Variants in TUBB observed in about 807,000 individuals in gnomAD.
The protein encoded by TUBB is tubulin beta class I.
TUBB carries 2 observed loss-of-function variants against 35.1 expected under a neutral mutation model. The observed-to-expected ratio is 0.06, with a 90% CI of 0.02 to 0.18. The LOEUF is 0.18. Ranked by LOEUF, TUBB falls within the 10% of genes least tolerant of loss-of-function variation. The probability of loss-of-function intolerance (pLI) is 1.00; values close to 1 mark genes in which losing one functional copy is unlikely to be tolerated. For synonymous variants in TUBB, 205 were observed against 223.8 expected, an observed-to-expected ratio of 0.92 and a Z score of 0.75; for missense variants, 50 against 599.4, an observed-to-expected ratio of 0.08 and a Z score of 9.57.
chr6:30,724,472 G>T lies in TUBB; in HGVS notation c.*75G>T. 2 of 1,382,704 alleles carry T rather than the reference G, an allele frequency of 1.4e-6. No homozygotes were observed. The highest frequency in any genetic ancestry group is 2.0e-6 in the Non-Finnish European group (2 of 1,025,570). The allele number at this position is 1,382,704 out of a possible 1,614,324, so 85.7% of individuals were successfully genotyped here. A position where few individuals can be genotyped will look rare whatever the true frequency, so the allele number is the denominator to read the frequency against. ...TCAACTGCCCCTTTCCTCTCCCTCA[G>T]AATTTGTGTTTGCTGCCTCTATCTT... On this transcript the variant is annotated 3_prime_UTR_variant, in exon 4 of 4. Coordinates refer to ENST00000327892, the MANE Select transcript of TUBB (RefSeq NM_178014.4). This position sits in a 1 kb window ranked among gnomAD's most constrained non-coding sequence, Gnocchi z 4.4.
At chr6:30,720,686 T>C in intron 1 of TUBB, 123 bp downstream of exon 1, 1 of 818,510 alleles carries the variant, frequency 1.2e-6, no homozygotes, top group Non-Finnish European at 1.9e-6. Flanking sequence ...CTCAAGTTTG[T>C]TACATTTATA....
chr6:30,721,032 C>A (rs950850655), intron 1 of TUBB, among the ~76,000 whole-genome samples: 5 of 152,210 alleles, frequency 3.3e-5, no homozygotes, highest in African/African-American at 1.2e-4. Flanking sequence ...GGCGATGCGC[C>A]AGGGTGGGCT....
chr6:30,722,712 C>T, intron 2 of TUBB, 67 bp downstream of exon 2: 2 of 1,381,812 alleles, frequency 1.4e-6, no homozygotes, highest in Non-Finnish European at 2.0e-6. Context: ...GATCTCTTTC[C>T]ATTTCTGGGC....
chr6:30,721,466 C>A, intron 1 of TUBB: 1 of 803,860 alleles, frequency 1.2e-6, no homozygotes, highest in African/African-American at 1.9e-5. Flanking sequence ...GACAATGCGG[C>A]GTTGCCCGCC....
chr6:30,724,486 T>G lies in TUBB; in HGVS notation c.*89T>G. The G allele has an allele frequency of 8.0e-7, 1 of 1,250,186 alleles. No individual in the cohort carries two copies. The highest frequency in any genetic ancestry group is 1.1e-6 in the Non-Finnish European group (1 of 914,886). The allele number at this position is 1,250,186 out of a possible 1,614,324, so 77.4% of individuals were successfully genotyped here. ...CCTCTCCCTCAGAATTTGTGTTTGC[T>G]GCCTCTATCTTGTTTTTTGTTTTTT... On this transcript the variant is annotated 3_prime_UTR_variant, in exon 4 of 4. Coordinates refer to ENST00000327892, the MANE Select transcript of TUBB (RefSeq NM_178014.4). The surrounding 1 kb of genome is among the most constrained non-coding windows in gnomAD (Gnocchi z 4.4).
chr6:30,721,366 G>C (rs980635070), intron 1 of TUBB, among the ~76,000 whole-genome samples: 1 of 147,640 alleles, frequency 6.8e-6, no homozygotes, highest in Non-Finnish European at 1.5e-5. Context: ...ACAGTGTAGC[G>C]GGGGAGGGGC....
intron 2 of TUBB, 133 bp downstream of exon 2, chr6:30,722,778 C>G: frequency 1.8e-6 from 2 of 1,119,276 alleles, no homozygotes; most frequent in Middle Eastern, 4.1e-4. Flanking sequence ...GAACCACCGT[C>G]GGGGCCAAAG....
chr6:30,720,849 G>A (rs1193615203), intron 1 of TUBB, among the ~76,000 whole-genome samples: 1 of 152,264 alleles, frequency 6.6e-6, no homozygotes, highest in Non-Finnish European at 1.5e-5. Flanking sequence ...GGCTTCTAAC[G>A]GTCCGAGAAC....
rs1382908976 is a variant in TUBB, at chr6:30,725,168, T to G, written c.*771T>G. 1 of 151,672 alleles carries G rather than the reference T, an allele frequency of 6.6e-6. No individual in the cohort carries two copies. Among genetic ancestry groups the G allele is most frequent in the African/African-American group, 2.4e-5 (1 of 41,396 alleles). 9.4% of individuals were successfully genotyped at this position (151,672 alleles called of 1,614,324 possible). A position where few individuals can be genotyped will look rare whatever the true frequency, so the allele number is the denominator to read the frequency against. ...ACCTTTTCTTACTCCCAAAAAAGAA[T>G]GAACACCCCTGACTCTGGAGTGGTG... On this transcript the variant is annotated 3_prime_UTR_variant, in exon 4 of 4. Coordinates refer to ENST00000327892, the MANE Select transcript of TUBB (RefSeq NM_178014.4).
chr6:30,723,700 G>A lies in TUBB; in HGVS notation c.638G>A (p.Arg213His), dbSNP rs1469070090. Residue 213 changes from arginine to histidine, a missense_variant, in exon 4 of 4, where the codon CGC (arginine) becomes CAC (histidine). Around this residue, in one of 2 missense-constraint regions of TUBB, gnomAD observed 38 missense variants for 578.9 expected, o/e 0.07. Transcript: ENST00000327892. ...GAGGCCCTCTATGATATCTGCTTCC[G>A]CACTCTGAAGCTGACCACACCAACC... Reference protein sequence around the residue: ...DNEALYDICFRTLKLTTPTYG... With the variant: ...DNEALYDICFHTLKLTTPTYG... 1 of 1,614,024 alleles carries A rather than the reference G, an allele frequency of 6.2e-7. No homozygotes were observed. The highest frequency in any genetic ancestry group is 8.5e-7 in the Non-Finnish European group (1 of 1,180,032).
chr6:30,720,952 A>G (rs1303752139), intron 1 of TUBB, among the ~76,000 whole-genome samples: 3 of 152,186 alleles, frequency 2.0e-5, no homozygotes, highest in African/African-American at 4.8e-5. Flanking sequence ...CGGGGTACTT[A>G]GGGCCAAACC....
chr6:30,723,989 A>G lies in TUBB; in HGVS notation c.927A>G (p.Arg309=). The change falls in exon 4 of 4, where the codon CGA becomes CGG. Residue 309 remains arginine (R), a synonymous_variant. Transcript: ENST00000327892. ...MMAACDPRHG[R]YLTVAAVFRG... Reference sequence around the variant, plus strand: ...CTGCCTGTGACCCCCGCCACGGCCGATACCTCACCGTGGCTGCTGTCTTCC... The same window carrying G: ...CTGCCTGTGACCCCCGCCACGGCCGGTACCTCACCGTGGCTGCTGTCTTCC... The G allele has an allele frequency of 1.2e-6, 2 of 1,614,116 alleles. No homozygotes were observed. Among genetic ancestry groups the G allele is most frequent in the Non-Finnish European group, 1.7e-6 (2 of 1,179,998 alleles).
At chr6:30,720,722 G>A (rs1325398613) in intron 1 of TUBB, among the ~76,000 whole-genome samples, 159 bp downstream of exon 1, 1 of 152,222 alleles carries the variant, frequency 6.6e-6, no homozygotes, top group Non-Finnish European at 1.5e-5. Flanking sequence ...GCTAGCATTT[G>A]CCTTTGGAAA....
Position 30,722,578 on chromosome 6 carries a change from C to A in TUBB, c.99C>A (p.Thr33=). The A allele has an allele frequency of 6.2e-7, 1 of 1,614,160 alleles. No individual in the cohort carries two copies. Among genetic ancestry groups the A allele is most frequent in the South Asian group, 1.1e-5 (1 of 91,088 alleles). ...VISDEHGIDP[T]GTYHGDSDLQ... is the part of the protein sequence containing the mutation. ...GTGATGAACATGGCATCGACCCCAC[C>A]GGCACCTACCACGGGGACAGCGACC... is the stretch of plus-strand genomic sequence containing the variant. The change falls in exon 2 of 4, where the codon ACC becomes ACA. Residue 33 remains threonine, a synonymous_variant. Transcript: ENST00000327892.
In TUBB at chr6:30,724,527, T is replaced by A; in HGVS notation, c.*130T>A. The A allele has an allele frequency of 1.3e-6, 1 of 771,898 alleles. No homozygotes were observed. The highest frequency in any genetic ancestry group is 2.0e-6 in the Non-Finnish European group (1 of 492,398). 47.8% of individuals were successfully genotyped at this position (771,898 alleles called of 1,614,324 possible). ...TTTGTTTTTTCTTCTGGGGGGGGTCTAGAACAGTGCCTGGCACATAGTAGG... is the reference window on the plus strand; with the variant it reads ...TTTGTTTTTTCTTCTGGGGGGGGTCAAGAACAGTGCCTGGCACATAGTAGG... On this transcript the variant is annotated 3_prime_UTR_variant, in exon 4 of 4. Transcript: ENST00000327892. The surrounding 1 kb of genome is among the most constrained non-coding windows in gnomAD (Gnocchi z 4.4).
chr6:30,724,584 CCT>C lies in TUBB; in HGVS notation c.*194_*195del, dbSNP rs575294741. Reference sequence around the variant, plus strand: ...ATAAATACTTGTTTGTTGAATGTCTCCTCTCTCTTTCCACTCTGGGAAACCTA... The same window carrying C: ...ATAAATACTTGTTTGTTGAATGTCTCCTCTCTTTCCACTCTGGGAAACCTA... On this transcript the variant is annotated 3_prime_UTR_variant, in exon 4 of 4. Coordinates refer to ENST00000327892, the MANE Select transcript of TUBB (RefSeq NM_178014.4). The surrounding 1 kb of genome is among the most constrained non-coding windows in gnomAD (Gnocchi z 4.4). 57 of 574,522 alleles carry C rather than the reference CCT, an allele frequency of 9.9e-5. 1 individual carries two copies. The East Asian group carries it at 1.5e-3, about 15-fold the overall frequency. 35.6% of individuals were successfully genotyped at this position (574,522 alleles called of 1,614,324 possible).
chr6:30,721,861 A>T, intron 1 of TUBB: 2 of 985,256 alleles, frequency 2.0e-6, no homozygotes, highest in Non-Finnish European at 2.4e-6. Context: ...CAACGGCCTG[A>T]GCGCTTGTGG....
At chr6:30,722,381 T>G (rs1246276210) in intron 1 of TUBB, 156 bp from the exon 2 acceptor site, 2 of 611,538 alleles carry the variant, frequency 3.3e-6, no homozygotes, top group Non-Finnish European at 5.9e-6. Context: ...AAGCAGAGGT[T>G]GCAGTGAGCC....
At chr6:30,720,644 G>A in intron 1 of TUBB, 81 bp downstream of exon 1, 1 of 1,263,242 alleles carries the variant, frequency 7.9e-7, no homozygotes, top group South Asian at 1.3e-5. Flanking sequence ...TGGGGCATTT[G>A]CACCCGCTAT....
Sources: allele counts gnomAD v4.1 joint callset (sites outside exome capture counted in the v4.1 genomes callset), GRCh38; gene constraint gnomAD v4.1.1; regional missense constraint gnomAD v4.1.1; non-coding constraint Gnocchi (gnomAD v3.1); transcripts MANE v1.5; gene names NCBI Gene and HGNC (gene_info 2026-07-23, HGNC 2026-07-21).